Variants in PXDNL observed in about 807,000 individuals in gnomAD.
PXDNL encodes the protein peroxidasin like, also known as probable oxidoreductase PXDNL.
A neutral mutation model predicts 150.8 loss-of-function variants in PXDNL; 145 were observed. The observed-to-expected ratio is 0.96, with a 90% CI of 0.84 to 1.10. The LOEUF is 1.10. Ranked by LOEUF, PXDNL falls within the 50% of genes least tolerant of loss-of-function variation. The pLI is 0.00. For missense variants in PXDNL, 2,087 were observed against 1,873.9 expected (o/e 1.11, Z -2.10); for synonymous variants, 757 against 725.7 (o/e 1.04, Z -0.69).
At chr8:51,509,095 C>T (rs181725892) in intron 4 of PXDNL, among the ~76,000 whole-genome samples, 3 of 152,264 alleles carry the variant, frequency 2.0e-5, no homozygotes, top group South Asian at 2.1e-4. Context: ...CTATTGTCTA[C>T]GTAGCCATCC....
At chr8:51,543,110 T>G (rs1483128724) in intron 4 of PXDNL, among the ~76,000 whole-genome samples, 1 of 152,152 alleles carries the variant, frequency 6.6e-6, no homozygotes, top group East Asian at 1.9e-4. Context: ...CTGTAATTAT[T>G]CTCATTTTAT....
intron 8 of PXDNL, among the ~76,000 whole-genome samples, chr8:51,458,157 G>A (rs892256468): frequency 1.3e-5 from 2 of 152,146 alleles, no homozygotes; most frequent in Non-Finnish European, 2.9e-5. Flanking sequence ...ATATGACTAA[G>A]CAATAAATAA....
chr8:51,753,934 C>G (rs780402691), intron 1 of PXDNL, among the ~76,000 whole-genome samples: 1 of 152,162 alleles, frequency 6.6e-6, no homozygotes, highest in Admixed American at 6.5e-5. Context: ...TAACCTCAAC[C>G]GATTAATATG....
At chr8:51,668,211 T>C (rs1038724307) in intron 1 of PXDNL, among the ~76,000 whole-genome samples, 3 of 84,716 alleles carry the variant, frequency 3.5e-5, no homozygotes, top group African/African-American at 1.4e-4. Flanking sequence ...AGTCTCACTC[T>C]GTTGCCCAGG....
At chr8:51,528,738 C>T (rs1043429837) in intron 4 of PXDNL, among the ~76,000 whole-genome samples, 2 of 152,198 alleles carry the variant, frequency 1.3e-5, no homozygotes, top group African/African-American at 4.8e-5. Flanking sequence ...ACTCACTTTA[C>T]TCTTGCTGGT....
chr8:51,348,964 T>C (rs1806250635), intron 19 of PXDNL, among the ~76,000 whole-genome samples: 1 of 152,310 alleles, frequency 6.6e-6, no homozygotes, highest in Non-Finnish European at 1.5e-5. Context: ...GGGTCATTAT[T>C]TGTTAACTGA....
chr8:51,411,566 T>C (rs1490629467), intron 15 of PXDNL, among the ~76,000 whole-genome samples, 159 bp from the exon 16 acceptor site: 1 of 152,236 alleles, frequency 6.6e-6, no homozygotes, highest in African/African-American at 2.4e-5. Context: ...GTGGGTTCTT[T>C]TCCTATTTTG....
At chr8:51,694,639 A>G (rs1022028592) in intron 1 of PXDNL, among the ~76,000 whole-genome samples, 4 of 152,220 alleles carry the variant, frequency 2.6e-5, no homozygotes, top group African/African-American at 9.6e-5. Context: ...AAGCAAAGTC[A>G]TCTGGGGTTT....
chr8:51,342,338 A>G (rs1051129809), intron 20 of PXDNL, among the ~76,000 whole-genome samples: 2 of 152,004 alleles, frequency 1.3e-5, no homozygotes, highest in African/African-American at 4.8e-5. Flanking sequence ...AATTATTTAT[A>G]TTTTTAGTTT....
intron 1 of PXDNL, among the ~76,000 whole-genome samples, chr8:51,752,992 C>T (rs2037061610): frequency 2.6e-5 from 4 of 152,352 alleles, no homozygotes; most frequent in East Asian, 1.9e-4. Context: ...GGAAAGGCTT[C>T]GTGGCGACTG....
intron 21 of PXDNL, among the ~76,000 whole-genome samples, chr8:51,330,793 A>C (rs1332918902): frequency 2.0e-5 from 3 of 152,148 alleles, no homozygotes; most frequent in Non-Finnish European, 4.4e-5. Context: ...ATAGCCCCTA[A>C]AGTCTTAATC....
intron 1 of PXDNL, among the ~76,000 whole-genome samples, chr8:51,774,677 G>A (rs2037333448): frequency 6.6e-6 from 1 of 152,152 alleles, no homozygotes; most frequent in South Asian, 2.1e-4. Flanking sequence ...AATTAGCCAG[G>A]CATGGTGGTG....
At chr8:51,463,019 T>C (rs1320221210) in intron 8 of PXDNL, among the ~76,000 whole-genome samples, 1 of 152,182 alleles carries the variant, frequency 6.6e-6, no homozygotes, top group Non-Finnish European at 1.5e-5. Context: ...GAATTTCATA[T>C]CCAGCCAAAC....
At chr8:51,583,577 G>T (rs748246454) in intron 3 of PXDNL, among the ~76,000 whole-genome samples, 1 of 152,078 alleles carries the variant, frequency 6.6e-6, no homozygotes, top group Non-Finnish European at 1.5e-5. Flanking sequence ...AAAATATTAA[G>T]ATAGAAAATA....
chr8:51,756,914 A>G (rs914523319), intron 1 of PXDNL, among the ~76,000 whole-genome samples: 2 of 152,222 alleles, frequency 1.3e-5, no homozygotes, highest in Non-Finnish European at 2.9e-5. Flanking sequence ...GTGTCAAAAG[A>G]AGCATCATTA....
At chr8:51,578,031 AAGGAAGGAAGGAAGGAAG>A (rs1813121438) in intron 3 of PXDNL, among the ~76,000 whole-genome samples, 1 of 138,526 alleles carries the variant, frequency 7.2e-6, no homozygotes, top group African/African-American at 3.0e-5. Context: ...GGAAGGAAGG[AAGGAAGGAAGGAAGGAAG>A]GAAAGAAAGA....
At position 51,458,840 on chromosome 8, in the gene PXDNL, G is replaced by A. The variant is rs1005904263; in HGVS notation, c.813-1173C>T. On this transcript the variant is annotated intron_variant, in intron 8 of 22. Coordinates refer to ENST00000356297, the MANE Select transcript of PXDNL (RefSeq NM_144651.5). ...AAAGATAAGAAAGAAACAGACAATG[G>A]CCATATTTGACTTTTATGTTTTAGA... 3.5e-4 allele frequency among the ~76,000 whole-genome samples: 53 copies of A among 152,302 alleles called. 1 individual carries two copies. The highest frequency in any genetic ancestry group is 2.6e-3 in the Admixed American group (40 of 15,294).
intron 2 of PXDNL, among the ~76,000 whole-genome samples, chr8:51,641,659 C>T (rs1814758910): frequency 6.6e-6 from 1 of 151,178 alleles, no homozygotes; most frequent in African/African-American, 2.4e-5. Context: ...CAATGAGATA[C>T]CATCTCACAC....
intron 8 of PXDNL, among the ~76,000 whole-genome samples, chr8:51,468,046 T>C (rs1383177689): frequency 6.6e-6 from 1 of 152,058 alleles, no homozygotes; most frequent in Non-Finnish European, 1.5e-5. Flanking sequence ...TTTTATGAAA[T>C]TGATTCTTGG....
Sources: allele counts gnomAD v4.1 joint callset (sites outside exome capture counted in the v4.1 genomes callset), GRCh38; gene constraint gnomAD v4.1.1; transcripts MANE v1.5; gene names NCBI Gene and HGNC (gene_info 2026-07-23, HGNC 2026-07-21).